PCDHGB5: variants seen among roughly 807,000 people sequenced by gnomAD.
PCDHGB5 encodes protocadherin gamma-B5.
A neutral mutation model predicts 62.9 loss-of-function variants in PCDHGB5; 48 were observed. The ratio of observed to expected loss-of-function variants is 0.76; its 90% CI spans 0.61 to 0.97. The LOEUF (loss-of-function observed/expected upper bound fraction) is 0.97. Among genes scored for constraint, PCDHGB5 ranks in the 50% least tolerant of loss-of-function variants. The probability of loss-of-function intolerance (pLI) is 0.00; values close to 1 mark genes in which losing one functional copy is unlikely to be tolerated. For synonymous variants in PCDHGB5, 474 were observed against 511.2 expected, an observed-to-expected ratio of 0.93 and a Z score of 0.98; for missense variants, 1,118 against 1,198.6, an observed-to-expected ratio of 0.93 and a Z score of 0.99.
In PCDHGB5 at chr5:141,476,073, A is replaced by C. The variant is rs765071344; in HGVS notation, c.2398-18734A>C. On this transcript the variant is annotated intron_variant, in intron 1 of 3. Coordinates refer to ENST00000617380, the MANE Select transcript of PCDHGB5 (RefSeq NM_018925.3). The surrounding 1 kb of genome is among the most constrained non-coding windows in gnomAD (Gnocchi z 7.6). ...GCTGAAAGTTTCTCAGCGAAATCTC[A>C]GGGACGATCTGGACCCCGCTGAGAG... 4 of 1,524,010 alleles carry C rather than the reference A, an allele frequency of 2.6e-6. No individual in the cohort carries two copies. Among genetic ancestry groups the C allele is most frequent in the Admixed American group, 4.2e-5 (2 of 47,746 alleles). The allele number at this position is 1,524,010 out of a possible 1,614,324, so 94.4% of individuals were successfully genotyped here. A position where few individuals can be genotyped will look rare whatever the true frequency, so the allele number is the denominator to read the frequency against.
At position 141,489,644 on chromosome 5, in the gene PCDHGB5, C is replaced by T. The variant is rs1244782345; in HGVS notation, c.2398-5163C>T. 11 of 1,614,070 alleles carry T rather than the reference C, an allele frequency of 6.8e-6. No individual in the cohort carries two copies. The Admixed American group carries it at 1.8e-4, about 27-fold the overall frequency. ...AATGACAACTCTCCTAGCTTTGCCA[C>T]CCCTGAGCGAGAGATGCGCATCTCA... is the stretch of plus-strand genomic sequence containing the variant. On this transcript the variant is annotated intron_variant, in intron 1 of 3. Coordinates refer to ENST00000617380, the MANE Select transcript of PCDHGB5 (RefSeq NM_018925.3). The surrounding 1 kb of genome is among the most constrained non-coding windows in gnomAD (Gnocchi z 4.5).
chr5:141,420,111 C>T (rs747723647), intron 1 of PCDHGB5: 1 of 1,613,966 alleles, frequency 6.2e-7, no homozygotes, highest in African/African-American at 1.3e-5. Flanking sequence ...TTGCCCTATG[C>T]CTATAATTTT....
At chr5:141,492,242 C>G (rs2099738685) in intron 1 of PCDHGB5, among the ~76,000 whole-genome samples, 1 of 152,190 alleles carries the variant, frequency 6.6e-6, no homozygotes, top group Admixed American at 6.5e-5. Flanking sequence ...GCTGGCCACC[C>G]CCACGGCCCA....
chr5:141,417,884 C>A, intron 1 of PCDHGB5: 2 of 1,561,600 alleles, frequency 1.3e-6, no homozygotes, highest in East Asian at 2.4e-5. Flanking sequence ...CGCGCAGAGG[C>A]GCCGGGCCGG....
At chr5:141,506,164 G>A (rs959032250) in intron 3 of PCDHGB5, among the ~76,000 whole-genome samples, 17 of 152,140 alleles carry the variant, frequency 1.1e-4, no homozygotes, top group Non-Finnish European at 2.4e-4. Context: ...TAAGAGCACA[G>A]CCTAAGCTGG....
At chr5:141,482,528 T>C (rs945815289) in intron 1 of PCDHGB5, among the ~76,000 whole-genome samples, 1 of 56,520 alleles carries the variant, frequency 1.8e-5, no homozygotes, top group Non-Finnish European at 2.8e-5. Flanking sequence ...GAGACAGACA[T>C]GCAAAAAAAA....
intron 1 of PCDHGB5, among the ~76,000 whole-genome samples, chr5:141,473,090 T>C (rs1426311051): frequency 3.9e-5 from 6 of 152,064 alleles, no homozygotes; most frequent in African/African-American, 1.4e-4. Context: ...TTATCCACTG[T>C]GAGTTGTATT....
At chr5:141,464,278 G>GAAAA (rs2099080310) in intron 1 of PCDHGB5, among the ~76,000 whole-genome samples, 1 of 121,594 alleles carries the variant, frequency 8.2e-6, no homozygotes. Context: ...AAAAAAAAAA[G>GAAAA]CAAAAAAAAA....
chr5:141,408,174 C>T, intron 1 of PCDHGB5: 3 of 1,531,244 alleles, frequency 2.0e-6, no homozygotes, highest in Non-Finnish European at 1.8e-6. Flanking sequence ...ACTGGAAAAG[C>T]GGGGACCCAG....
At position 141,511,146 on chromosome 5, in the gene PCDHGB5, G is replaced by T; in HGVS notation, c.2745G>T (p.Lys915Asn). 1 of 1,614,208 alleles carries T rather than the reference G, an allele frequency of 6.2e-7. No individual in the cohort carries two copies. Among genetic ancestry groups the T allele is most frequent in the Non-Finnish European group, 8.5e-7 (1 of 1,180,018 alleles). The change falls in exon 4 of 4, where the codon AAG becomes AAT. Residue 915 changes from lysine to asparagine, a missense_variant. Lys to Asn is a moderately conservative substitution (Grantham distance 94). Coordinates refer to ENST00000617380, the MANE Select transcript of PCDHGB5 (RefSeq NM_018925.3). Reference protein sequence around the residue: ...KAPAGGNGNKKKSGKKEKK With the variant: ...KAPAGGNGNKNKSGKKEKK The stretch of plus-strand genomic sequence containing the variant: ...CAGCAGGTGGCAATGGCAACAAGAA[G>T]AAGTCGGGCAAGAAGGAGAAGAAGT...
Position 141,476,735 on chromosome 5 carries a change from G to C in PCDHGB5, c.2398-18072G>C, listed in dbSNP as rs1267556668. The C allele has an allele frequency of 6.2e-7, 1 of 1,613,974 alleles. No individual in the cohort carries two copies. Among genetic ancestry groups the C allele is most frequent in the African/African-American group, 1.3e-5 (1 of 74,940 alleles). On this transcript the variant is annotated intron_variant, in intron 1 of 3. Coordinates refer to ENST00000617380, the MANE Select transcript of PCDHGB5 (RefSeq NM_018925.3). This position sits in a 1 kb window ranked among gnomAD's most constrained non-coding sequence, Gnocchi z 7.6. ...GGAGCGCGCCCTGGACCGAGAACGG[G>C]AGCCTAGTCTCCAGTTAGTGCTGAC...
Position 141,505,409 on chromosome 5 carries a change from G to T in PCDHGB5, c.2473G>T (p.Asp825Tyr). The change falls in exon 3 of 4, where the codon GAC (aspartate) becomes TAC (tyrosine). Residue 825 changes from aspartate to tyrosine, a missense_variant. Asp to Tyr is a radical substitution (Grantham distance 160). Around this residue, in one of 2 missense-constraint regions of PCDHGB5, gnomAD observed 1,034 missense variants for 1,029.1 expected, o/e 1.00. Transcript: ENST00000617380. ...PGTSGSQNGD[D>Y]TGTWPNNQFD... Reference sequence around the variant, plus strand: ...TCTCCCCAGCTCCCAAAATGGCGATGACACCGGCACCTGGCCCAACAACCA... The same window carrying T: ...TCTCCCCAGCTCCCAAAATGGCGATTACACCGGCACCTGGCCCAACAACCA... 6.2e-7 allele frequency: 1 copy of T among 1,614,200 alleles called. No individual in the cohort carries two copies. Among genetic ancestry groups the T allele is most frequent in the Non-Finnish European group, 8.5e-7 (1 of 1,180,048 alleles).
In PCDHGB5 at chr5:141,432,725, G is replaced by T; in HGVS notation, c.2397+32201G>T. The T allele has an allele frequency of 6.2e-7, 1 of 1,614,014 alleles. No individual in the cohort carries two copies. On this transcript the variant is annotated intron_variant, in intron 1 of 3. Coordinates refer to ENST00000617380, the MANE Select transcript of PCDHGB5 (RefSeq NM_018925.3). The surrounding 1 kb of genome is among the most constrained non-coding windows in gnomAD (Gnocchi z 6.0). ...GGACCACGGCCAGCCCCCTCTCTCC[G>T]CCACTGTCACGCTCACCGTGGCCGT...
chr5:141,437,762 A>G (rs1286042187), intron 1 of PCDHGB5, among the ~76,000 whole-genome samples: 1 of 149,476 alleles, frequency 6.7e-6, no homozygotes, highest in African/African-American at 2.5e-5. Context: ...TTTTTGAGAC[A>G]GAGTCTCAAT....
At chr5:141,404,153 T>G in intron 1 of PCDHGB5, 1 of 1,613,010 alleles carries the variant, frequency 6.2e-7, no homozygotes, top group Non-Finnish European at 8.5e-7. Context: ...AGAAGAAGAT[T>G]ATTACAGATT....
chr5:141,418,753 A>G, intron 1 of PCDHGB5: 2 of 1,613,974 alleles, frequency 1.2e-6, no homozygotes, highest in South Asian at 2.2e-5. Context: ...ATTACACTAC[A>G]GGAAACATTC....
chr5:141,426,310 A>G, intron 1 of PCDHGB5: 1 of 173,588 alleles, frequency 5.8e-6, no homozygotes. Context: ...GAAGCAGAGA[A>G]GCAGGACCCG....
intron 1 of PCDHGB5, among the ~76,000 whole-genome samples, chr5:141,472,913 G>A (rs1049221725): frequency 2.0e-5 from 3 of 147,764 alleles, no homozygotes; most frequent in African/African-American, 2.5e-5. Context: ...TTGAACCCAA[G>A]AGGAGGAGGT....
chr5:141,399,383 C>A lies in PCDHGB5; in HGVS notation c.1256C>A (p.Thr419Lys). Reference protein sequence around the residue: ...EQTPEYNVTITATDRGKPPLS... With the variant: ...EQTPEYNVTIKATDRGKPPLS... ...ACCCCGGAGTACAATGTCACCATCA[C>A]AGCCACAGACAGGGGCAAGCCGCCC... Residue 419 changes from threonine to lysine, a missense_variant, in exon 1 of 4, where the codon ACA (threonine) becomes AAA (lysine). Physicochemically the swap from Thr to Lys is moderately conservative, Grantham distance 78 (BLOSUM62 -1). Coordinates refer to ENST00000617380, the MANE Select transcript of PCDHGB5 (RefSeq NM_018925.3). 1 of 1,614,008 alleles carries A rather than the reference C, an allele frequency of 6.2e-7. No individual in the cohort carries two copies.
Sources: gnomAD v4.1 joint callset for allele counts (sites outside exome capture counted in the v4.1 genomes callset) on GRCh38, gnomAD v4.1.1 for gene constraint, gnomAD v4.1.1 regional missense constraint, Gnocchi (gnomAD v3.1) non-coding constraint, MANE v1.5 for transcripts, NCBI Gene and HGNC (gene_info 2026-07-23, HGNC 2026-07-21) for gene names.